Variants in GUSB observed in about 807,000 individuals in gnomAD.
GUSB encodes glucuronidase beta.
Under a neutral mutation model 74.6 loss-of-function variants are expected in GUSB, and 51 were observed. That is an observed-to-expected ratio of 0.68 (90% CI 0.55 to 0.86). The LOEUF is 0.86. Ranked by LOEUF, GUSB falls within the 40% of genes least tolerant of loss-of-function variation. The pLI is 0.00. For missense variants in GUSB, 736 were observed against 853.7 expected, an observed-to-expected ratio of 0.86 and a Z score of 1.72; for synonymous variants, 360 against 348.3, an observed-to-expected ratio of 1.03 and a Z score of -0.37.
intron 10 of GUSB, 152 bp from the exon 11 acceptor site, chr7:65,964,610 A>C: frequency 2.9e-6 from 2 of 699,394 alleles, no homozygotes. Context: ...GGGTAAAGAC[A>C]GCCAGGGAAT....
intron 9 of GUSB, among the ~76,000 whole-genome samples, chr7:65,968,244 A>AAG (rs1377526323): frequency 6.6e-6 from 1 of 151,644 alleles, no homozygotes; most frequent in East Asian, 1.9e-4. Context: ...AAAAAAAAAA[A>AAG]AAAAAAACCT....
In GUSB at chr7:65,979,503, T is replaced by C; in HGVS notation, c.620A>G (p.Asp207Gly). Residue 207 changes from aspartate to glycine, a missense_variant, in exon 4 of 12, where the codon GAC becomes GGC. Around this residue, in one of 2 missense-constraint regions of GUSB, gnomAD observed 368 missense variants for 363.8 expected, o/e 1.01. Coordinates refer to ENST00000304895, the MANE Select transcript of GUSB (RefSeq NM_000181.4). Reference sequence around the variant, plus strand: ...CTGCAGTCCAGCGTAGTTGAAAAAGTCAAAATATGTGTTCTGGACAAAGTA... The same window carrying C: ...CTGCAGTCCAGCGTAGTTGAAAAAGCCAAAATATGTGTTCTGGACAAAGTA... ...KGYFVQNTYF[D>G]FFNYAGLQRS... The C allele has an allele frequency of 2.5e-6, 4 of 1,614,058 alleles. No individual in the cohort carries two copies. Among genetic ancestry groups the C allele is most frequent in the Non-Finnish European group, 3.4e-6 (4 of 1,179,972 alleles).
chr7:65,979,639 T>C lies in GUSB; in HGVS notation c.581+88A>G, dbSNP rs914423600. 3.6e-5 allele frequency: 57 copies of C among 1,575,440 alleles called. 1 individual carries two copies. Among genetic ancestry groups the C allele is most frequent in the Non-Finnish European group, 4.9e-5 (56 of 1,145,432 alleles). The stretch of plus-strand genomic sequence containing the variant: ...GCCTCCCCAGATCCAAGGCCTCCAC[T>C]CTGTGAAGGCCACCCAGTCCCTACC... On this transcript the variant is annotated intron_variant, in intron 3 of 11. Transcript: ENST00000304895.
In GUSB at chr7:65,982,177, G is replaced by T. The variant is rs750955623; in HGVS notation, c.7C>A (p.Arg3=). The change falls in exon 1 of 12, where the codon CGG becomes AGG. Residue 3 remains arginine, a synonymous_variant. Coordinates refer to ENST00000304895, the MANE Select transcript of GUSB (RefSeq NM_000181.4). MA[R]GSAVAWAALG... ...GCCGCCCAGGCAACCGCCGACCCCC[G>T]GGCCATGCTTCCCGGTCCCCCGCTC... 1 of 1,512,792 alleles carries T rather than the reference G, an allele frequency of 6.6e-7. No homozygotes were observed. Among genetic ancestry groups the T allele is most frequent in the African/African-American group, 1.4e-5 (1 of 70,288 alleles). 93.7% of individuals were successfully genotyped at this position (1,512,792 alleles called of 1,614,324 possible).
rs527730129 is a variant in GUSB, at chr7:65,979,719, G to C, written c.581+8C>G. The C allele has an allele frequency of 1.7e-5, 27 of 1,612,962 alleles. No homozygotes were observed. Among genetic ancestry groups the C allele is most frequent in the Non-Finnish European group, 2.0e-5 (24 of 1,179,304 alleles). On this transcript the variant is annotated splice_region_variant and intron_variant, in intron 3 of 11. Coordinates refer to ENST00000304895, the MANE Select transcript of GUSB (RefSeq NM_000181.4). ...GGGTGTGTGCAATGGAGGCAGGATG[G>C]TACCCACTTGGAGGTGTCAGTCAGG... is the stretch of plus-strand genomic sequence containing the variant.
intron 4 of GUSB, among the ~76,000 whole-genome samples, chr7:65,978,460 C>T (rs751503260): frequency 6.8e-6 from 1 of 146,188 alleles, no homozygotes; most frequent in Non-Finnish European, 1.5e-5. Flanking sequence ...AAACAAAAAA[C>T]AAAAACAAAA....
At chr7:65,961,385 T>C (rs777986754) in intron 11 of GUSB, among the ~76,000 whole-genome samples, 2 of 152,122 alleles carry the variant, frequency 1.3e-5, no homozygotes, top group Non-Finnish European at 2.9e-5. Flanking sequence ...CTGCCCTCCT[T>C]AGCCTCCCTA....
Position 65,976,146 on chromosome 7 carries a change from G to T in GUSB, c.781C>A (p.Arg261Ser). The stretch of plus-strand genomic sequence containing the variant: ...ACTTTGTTTTCTGCATCCAAAAGAC[G>T]CACTTCCAACTTGAACAGGTTACTG... ...KGSNLFKLEV[R>S]LLDAENKVVA... The change falls in exon 5 of 12, where the codon CGT becomes AGT. Residue 261 changes from arginine to serine, a missense_variant. This residue lies in a region of GUSB where 368 missense variants were observed against 363.8 expected (regional missense o/e 1.01). Transcript: ENST00000304895. 6.2e-7 allele frequency: 1 copy of T among 1,613,466 alleles called. No homozygotes were observed. The highest frequency in any genetic ancestry group is 2.2e-5 in the East Asian group (1 of 44,882).
chr7:65,966,899 T>C (rs922670576), intron 10 of GUSB, among the ~76,000 whole-genome samples: 12 of 152,190 alleles, frequency 7.9e-5, no homozygotes, highest in African/African-American at 1.9e-4. Flanking sequence ...CTGGACAACA[T>C]AGCAAGACCC....
At chr7:65,969,533 C>T (rs922222565) in intron 9 of GUSB, among the ~76,000 whole-genome samples, 2 of 151,722 alleles carry the variant, frequency 1.3e-5, no homozygotes, top group African/African-American at 2.4e-5. Context: ...GCCACCTCTA[C>T]AAAAAGATAT....
chr7:65,978,843 T>C (rs1431738647), intron 4 of GUSB, among the ~76,000 whole-genome samples: 1 of 151,610 alleles, frequency 6.6e-6, no homozygotes, highest in Non-Finnish European at 1.5e-5. Flanking sequence ...AGTGGTGTGG[T>C]CATAGCTCAC....
chr7:65,970,434 C>T (rs1449313840), intron 8 of GUSB, 68 bp from the exon 9 acceptor site: 3 of 974,324 alleles, frequency 3.1e-6, no homozygotes, highest in Non-Finnish European at 5.0e-6. Flanking sequence ...CTCCCATCCT[C>T]TCTGTCCCAT....
At chr7:65,964,026 G>A (rs2008188) in intron 11 of GUSB, 43 of 426,700 alleles carry the variant, frequency 1.0e-4, no homozygotes, top group Non-Finnish European at 1.8e-4. Flanking sequence ...CCCGTTTTTC[G>A]TTCCTCCTTG....
At chr7:65,980,678 G>T (rs1383045400) in intron 1 of GUSB, 3 of 506,992 alleles carry the variant, frequency 5.9e-6, no homozygotes, top group Non-Finnish European at 1.1e-5. Context: ...CCAGCCAGAG[G>T]CAAGAAGGTT....
intron 11 of GUSB, 77 bp from the exon 12 acceptor site, chr7:65,961,140 G>T: frequency 7.4e-7 from 1 of 1,345,362 alleles, no homozygotes; most frequent in South Asian, 1.2e-5. Flanking sequence ...CTGGAGCTAA[G>T]GTAGGCACTA....
intron 3 of GUSB, 87 bp downstream of exon 3, chr7:65,979,640 C>G: frequency 6.3e-7 from 1 of 1,576,996 alleles, no homozygotes; most frequent in Non-Finnish European, 8.7e-7. Flanking sequence ...GGCCTCCACT[C>G]TGTGAAGGCC....
At chr7:65,961,215 CAT>C (rs1790475275) in intron 11 of GUSB, 152 bp from the exon 12 acceptor site, 1 of 752,260 alleles carries the variant, frequency 1.3e-6, no homozygotes, top group African/African-American at 1.8e-5. Flanking sequence ...GTGACACAAT[CAT>C]AGCTCACTGC....
rs1335320491 is a variant in GUSB at position 65,960,852 on chromosome 7, C to T, written c.*45G>A. 6.4e-7 allele frequency: 1 copy of T among 1,560,262 alleles called. No homozygotes were observed. The highest frequency in any genetic ancestry group is 1.7e-5 in the Admixed American group (1 of 59,940). On this transcript the variant is annotated 3_prime_UTR_variant, in exon 12 of 12. Transcript: ENST00000304895. ...ACTTGTTCTGCTGCTGTGGAAGTCG[C>T]CCTGACTCGGGGAGGAAGGGACACG...
chr7:65,964,482 G>T (rs1209750126), intron 10 of GUSB, 24 bp from the exon 11 acceptor site: 1 of 1,607,606 alleles, frequency 6.2e-7, no homozygotes, highest in Non-Finnish European at 8.5e-7. Flanking sequence ...CAAAGAGAAT[G>T]TAAGAGTCAG....
Sources: gnomAD v4.1 joint callset for allele counts (sites outside exome capture counted in the v4.1 genomes callset) on GRCh38, gnomAD v4.1.1 for gene constraint, gnomAD v4.1.1 regional missense constraint, MANE v1.5 for transcripts, NCBI Gene and HGNC (gene_info 2026-07-23, HGNC 2026-07-21) for gene names.